DLG2: variants seen among roughly 807,000 people sequenced by gnomAD.
The protein encoded by DLG2 is disks large homolog 2.
A neutral mutation model predicts 132.5 loss-of-function variants in DLG2; 45 were observed. The ratio of observed to expected loss-of-function variants is 0.34; its 90% CI spans 0.27 to 0.44. DLG2 has a LOEUF of 0.44. Among genes scored for constraint, DLG2 ranks in the 20% least tolerant of loss-of-function variants. The pLI is 1.00. For synonymous variants in DLG2, 424 were observed against 419.6 expected (o/e 1.01, Z -0.13); for missense variants, 1,045 against 1,196.9 (o/e 0.87, Z 1.87).
chr11:84,377,320 T>C (rs1404305957), intron 7 of DLG2, among the ~76,000 whole-genome samples: 1 of 151,980 alleles, frequency 6.6e-6, no homozygotes, highest in Non-Finnish European at 1.5e-5. Context: ...GGACCTATTC[T>C]AGATTAAAGG....
At chr11:84,771,108 A>G (rs2069307564) in intron 6 of DLG2, among the ~76,000 whole-genome samples, 2 of 152,104 alleles carry the variant, frequency 1.3e-5, no homozygotes, top group Non-Finnish European at 2.9e-5. Flanking sequence ...ATAACAGAAT[A>G]ATTTATATTC....
chr11:85,008,454 T>C (rs2058884239), intron 6 of DLG2, among the ~76,000 whole-genome samples: 1 of 152,120 alleles, frequency 6.6e-6, no homozygotes, highest in Admixed American at 6.5e-5. Context: ...GTAAGATTAA[T>C]AGTATATTTC....
intron 7 of DLG2, among the ~76,000 whole-genome samples, chr11:84,533,610 C>G (rs2099347946): frequency 1.3e-5 from 2 of 151,946 alleles, no homozygotes. Flanking sequence ...ATAAGTTAAC[C>G]TCTCTTAGAT....
intron 7 of DLG2, among the ~76,000 whole-genome samples, chr11:84,442,706 A>AAAGAAAG (rs1555583900): frequency 6.7e-6 from 1 of 148,876 alleles, no homozygotes; most frequent in Non-Finnish European, 1.5e-5. Context: ...TAATTAAAAA[A>AAAGAAAG]AAAGAAAGAA....
chr11:84,184,924 G>GA (rs1170606318), intron 8 of DLG2, among the ~76,000 whole-genome samples: 3 of 151,996 alleles, frequency 2.0e-5, no homozygotes, highest in East Asian at 1.9e-4. Context: ...TGTTCCATTC[G>GA]TCTATATCTC....
intron 19 of DLG2, among the ~76,000 whole-genome samples, chr11:83,611,080 AAAAT>A (rs2060046888): frequency 6.6e-6 from 1 of 152,230 alleles, no homozygotes; most frequent in Non-Finnish European, 1.5e-5. Flanking sequence ...AATCAGATCT[AAAAT>A]AAAAGTCAGT....
chr11:85,557,755 G>A (rs2077014346), intron 3 of DLG2, among the ~76,000 whole-genome samples: 1 of 151,872 alleles, frequency 6.6e-6, no homozygotes. Flanking sequence ...CTAGCTATAT[G>A]CAGAAGAATG....
At chr11:84,834,224 A>G (rs764795890) in intron 6 of DLG2, among the ~76,000 whole-genome samples, 4 of 151,656 alleles carry the variant, frequency 2.6e-5, no homozygotes, top group Non-Finnish European at 5.9e-5. Flanking sequence ...TTACAAACTA[A>G]AAGTTTAGAC....
At chr11:83,675,353 CAT>C (rs2077502015) in intron 18 of DLG2, among the ~76,000 whole-genome samples, 1 of 152,178 alleles carries the variant, frequency 6.6e-6, no homozygotes, top group Admixed American at 6.5e-5. Flanking sequence ...TTAGCAAACA[CAT>C]GTACAAAAAT....
intron 6 of DLG2, among the ~76,000 whole-genome samples, chr11:84,914,935 G>C (rs1345634808): frequency 6.6e-6 from 1 of 152,152 alleles, no homozygotes; most frequent in African/African-American, 2.4e-5. Context: ...TAAGAATATT[G>C]AGGTATGTAA....
At chr11:85,150,602 G>A (rs1216417105) in intron 5 of DLG2, among the ~76,000 whole-genome samples, 1 of 151,894 alleles carries the variant, frequency 6.6e-6, no homozygotes, top group Non-Finnish European at 1.5e-5. Context: ...TACAGTGTTT[G>A]TCCTTTTGTG....
chr11:85,143,137 T>C (rs2076606517), intron 5 of DLG2, among the ~76,000 whole-genome samples: 4 of 151,786 alleles, frequency 2.6e-5, no homozygotes, highest in Admixed American at 2.6e-4. Flanking sequence ...GTATTAGTTC[T>C]TTAAATATTT....
intron 3 of DLG2, among the ~76,000 whole-genome samples, chr11:85,309,062 G>A (rs903865807): frequency 6.6e-6 from 1 of 152,008 alleles, no homozygotes; most frequent in Non-Finnish European, 1.5e-5. Context: ...GCCAATCTGA[G>A]CCCAGGTCTT....
Position 84,368,046 on chromosome 11 carries a change from A to C in DLG2, c.520-116755T>G, listed in dbSNP as rs568538546. ...GATCTCAGACACTGACAGGTAATTT[A>C]CTTTCTATATCTAAGATCTCCAATG... On this transcript the variant is annotated intron_variant, in intron 7 of 27. Coordinates refer to ENST00000376104, the MANE Select transcript of DLG2 (RefSeq NM_001142699.3). Among the ~76,000 whole-genome samples the C allele has an allele frequency of 5.9e-5, 9 of 152,136 alleles. No individual in the cohort carries two copies. The South Asian group carries it at 1.9e-3, about 32-fold the overall frequency.
chr11:83,953,167 T>C lies in DLG2; in HGVS notation c.1340+9718A>G, dbSNP rs889966910. Among the ~76,000 whole-genome samples the C allele has an allele frequency of 2.6e-5, 4 of 152,322 alleles. No individual in the cohort carries two copies. The East Asian group carries it at 5.8e-4, about 22-fold the overall frequency. ...TAAGAATGTCTTTGGAATGCAATGA[T>C]TGTATCTCACAATTTTCCTATATTT... On this transcript the variant is annotated intron_variant, in intron 14 of 27. Coordinates refer to ENST00000376104, the MANE Select transcript of DLG2 (RefSeq NM_001142699.3).
At chr11:85,187,985 C>T (rs2080247145) in intron 4 of DLG2, among the ~76,000 whole-genome samples, 1 of 152,150 alleles carries the variant, frequency 6.6e-6, no homozygotes, top group African/African-American at 2.4e-5. Context: ...TCACACCACC[C>T]TGCTGATGGG....
At chr11:85,586,117 A>G (rs2078953616) in intron 3 of DLG2, among the ~76,000 whole-genome samples, 1 of 152,092 alleles carries the variant, frequency 6.6e-6, no homozygotes, top group Non-Finnish European at 1.5e-5. Context: ...GCTCTTAGAT[A>G]TTGTTAGCTA....
chr11:84,197,302 G>A (rs75344440), intron 8 of DLG2, among the ~76,000 whole-genome samples: 5,877 of 152,094 alleles, frequency 0.039, 171 homozygotes, highest in Non-Finnish European at 0.06. Context: ...TTTTGAAAAG[G>A]AAGGCTCTAT....
chr11:83,954,705 G>A (rs2086365765), intron 14 of DLG2, among the ~76,000 whole-genome samples: 1 of 152,164 alleles, frequency 6.6e-6, no homozygotes, highest in Non-Finnish European at 1.5e-5. Context: ...GAGTCACTAT[G>A]AATTTTTTAA....
Sources: allele counts gnomAD v4.1 joint callset (sites outside exome capture counted in the v4.1 genomes callset), GRCh38; gene constraint gnomAD v4.1.1; transcripts MANE v1.5; gene names NCBI Gene and HGNC (gene_info 2026-07-23, HGNC 2026-07-21).